The following TENM4 variants were observed in gnomAD, a reference collection of about 807,000 sequenced individuals.
TENM4 encodes teneurin-4.
TENM4 carries 82 observed loss-of-function variants against 243.3 expected under a neutral mutation model. The observed-to-expected ratio is 0.34, with a 90% CI of 0.28 to 0.40. The LOEUF is 0.40. TENM4 is among the 10% of genes least tolerant of loss of function. The probability of loss-of-function intolerance (pLI) is 1.00; values close to 1 mark genes in which losing one functional copy is unlikely to be tolerated. For synonymous variants in TENM4, 1,412 were observed against 1,456.3 expected, an observed-to-expected ratio of 0.97 and a Z score of 0.69; for missense variants, 3,138 against 3,673.3, an observed-to-expected ratio of 0.85 and a Z score of 3.77.
intron 25 of TENM4, among the ~76,000 whole-genome samples, chr11:78,714,287 A>C (rs961452793): frequency 6.6e-6 from 1 of 152,148 alleles, no homozygotes; most frequent in African/African-American, 2.4e-5. Context: ...TAATCTTTTC[A>C]GTATGTAAGT....
chr11:79,414,157 T>TACAC (rs10587790), intron 1 of TENM4, among the ~76,000 whole-genome samples: 1,723 of 150,846 alleles, frequency 0.011, 11 homozygotes, highest in East Asian at 0.032. Flanking sequence ...CACACATGTG[T>TACAC]ACACACACAC....
intron 3 of TENM4, among the ~76,000 whole-genome samples, chr11:79,211,428 C>A (rs748267114): frequency 1.3e-5 from 2 of 152,164 alleles, no homozygotes; most frequent in Non-Finnish European, 2.9e-5. Context: ...GCCAGGGATC[C>A]CTGAGGGTCC....
At chr11:78,989,308 G>C (rs1306082874) in intron 6 of TENM4, among the ~76,000 whole-genome samples, 1 of 152,222 alleles carries the variant, frequency 6.6e-6, no homozygotes, top group Non-Finnish European at 1.5e-5. Flanking sequence ...AAAGCATCTA[G>C]AAATATTTTT....
intron 7 of TENM4, 47 bp downstream of exon 7, chr11:78,903,221 C>T: frequency 6.8e-7 from 1 of 1,467,166 alleles, no homozygotes; most frequent in East Asian, 2.8e-5. Flanking sequence ...GGTCCGGGCC[C>T]CGGGTGCCCA....
rs768666205 is a variant in TENM4, at chr11:78,701,945, C to T, written c.4668G>A (p.Gly1556=). Residue 1556 remains glycine, a synonymous_variant, in exon 28 of 34, where the codon GGG becomes GGA. Transcript: ENST00000278550. ...TCCGGATAAACCGAATTCGGATGTT[C>T]CCAAGGTCGGCCACGTAGAGCTCCC... The part of the protein sequence containing the change: ...ADGELYVADL[G]NIRIRFIRKN... 2 of 1,613,854 alleles carry T rather than the reference C, an allele frequency of 1.2e-6. No individual in the cohort carries two copies. The highest frequency in any genetic ancestry group is 1.7e-6 in the Non-Finnish European group (2 of 1,179,904).
chr11:79,128,680 A>G (rs1005850869), intron 4 of TENM4, among the ~76,000 whole-genome samples: 3 of 152,218 alleles, frequency 2.0e-5, no homozygotes, highest in African/African-American at 7.2e-5. Flanking sequence ...TTGAAAGGAT[A>G]TCTCTGAAGG....
intron 1 of TENM4, among the ~76,000 whole-genome samples, chr11:79,306,803 A>G (rs1856633001): frequency 6.6e-6 from 1 of 152,122 alleles, no homozygotes; most frequent in East Asian, 1.9e-4. Flanking sequence ...GCAGAAATGG[A>G]ACTCAAATTA....
intron 6 of TENM4, among the ~76,000 whole-genome samples, chr11:78,933,980 G>A (rs1856726904): frequency 6.6e-6 from 1 of 152,114 alleles, no homozygotes; most frequent in Non-Finnish European, 1.5e-5. Flanking sequence ...ATTTCTCCTG[G>A]GGATTCTAGC....
intron 12 of TENM4, among the ~76,000 whole-genome samples, chr11:78,815,203 T>C (rs1032440559): frequency 6.6e-6 from 1 of 152,108 alleles, no homozygotes; most frequent in Non-Finnish European, 1.5e-5. Flanking sequence ...CTGGCCAACA[T>C]GGTGAATCCC....
chr11:79,340,980 G>A (rs1232540109), intron 1 of TENM4, among the ~76,000 whole-genome samples: 5 of 152,134 alleles, frequency 3.3e-5, no homozygotes, highest in African/African-American at 1.2e-4. Context: ...AATTACAAGG[G>A]TTCTTATAAG....
chr11:79,017,978 T>C (rs571785146), intron 6 of TENM4, among the ~76,000 whole-genome samples: 1 of 152,274 alleles, frequency 6.6e-6, no homozygotes, highest in Admixed American at 6.5e-5. Flanking sequence ...AGAGGAAAGG[T>C]GGTCCTCCCA....
chr11:79,038,547 T>C (rs1175948300), intron 6 of TENM4, among the ~76,000 whole-genome samples: 1 of 152,166 alleles, frequency 6.6e-6, no homozygotes, highest in Non-Finnish European at 1.5e-5. Context: ...TAGATTTGAG[T>C]TTGAGGTGAT....
chr11:78,791,062 G>T (rs1188746464), intron 15 of TENM4, among the ~76,000 whole-genome samples: 1 of 152,080 alleles, frequency 6.6e-6, no homozygotes, highest in African/African-American at 2.4e-5. Flanking sequence ...ACATTTTAAT[G>T]GAAGGGCCCT....
chr11:78,926,822 C>T (rs1856563692), intron 6 of TENM4, among the ~76,000 whole-genome samples: 1 of 151,986 alleles, frequency 6.6e-6, no homozygotes, highest in South Asian at 2.1e-4. Flanking sequence ...ATGTGGTGAA[C>T]ACCAGTGATT....
chr11:79,299,744 G>C (rs145164376), intron 1 of TENM4, among the ~76,000 whole-genome samples: 153 of 152,302 alleles, frequency 1.0e-3, no homozygotes, highest in African/African-American at 3.4e-3. Context: ...CCCGGTCAGG[G>C]GAAGTGGAAG....
chr11:78,732,868 G>A (rs1262787107), intron 20 of TENM4, among the ~76,000 whole-genome samples: 1 of 152,186 alleles, frequency 6.6e-6, no homozygotes, highest in Non-Finnish European at 1.5e-5. Flanking sequence ...TGGTGCTGCT[G>A]GTACTTAGGG....
chr11:79,184,930 A>G (rs1161058981), intron 3 of TENM4, among the ~76,000 whole-genome samples: 1 of 152,260 alleles, frequency 6.6e-6, no homozygotes, highest in African/African-American at 2.4e-5. Flanking sequence ...AATATCCCAT[A>G]CTAAGCAAAT....
At chr11:78,710,441 G>C (rs1859370698) in intron 26 of TENM4, among the ~76,000 whole-genome samples, 1 of 152,238 alleles carries the variant, frequency 6.6e-6, no homozygotes, top group African/African-American at 2.4e-5. Flanking sequence ...AGGCTGGTCA[G>C]GCTGGAGAGT....
At chr11:79,023,305 A>G (rs949373406) in intron 6 of TENM4, among the ~76,000 whole-genome samples, 9 of 152,134 alleles carry the variant, frequency 5.9e-5, no homozygotes, top group Non-Finnish European at 1.0e-4. Flanking sequence ...CATGCCTGTA[A>G]TCCCAGCACT....
Sources: gnomAD v4.1 joint callset for allele counts (sites outside exome capture counted in the v4.1 genomes callset) on GRCh38, gnomAD v4.1.1 for gene constraint, MANE v1.5 for transcripts, NCBI Gene and HGNC (gene_info 2026-07-23, HGNC 2026-07-21) for gene names.